Variants in COG7 observed in about 807,000 individuals in gnomAD.
COG7 encodes conserved oligomeric Golgi complex subunit 7.
In COG7, 49 loss-of-function variants were observed where a neutral mutation model predicts 91.5. The observed-to-expected ratio is 0.54, with a 90% CI of 0.43 to 0.68. The LOEUF is 0.68. Among genes scored for constraint, COG7 ranks in the 30% least tolerant of loss-of-function variants. COG7 has a pLI of 0.00. For missense variants in COG7, 895 were observed against 961.3 expected (o/e 0.93, Z 0.91); for synonymous variants, 365 against 388.7 (o/e 0.94, Z 0.72).
chr16:23,445,178 G>T lies in COG7; in HGVS notation c.319-14C>A. Reference sequence around the variant, plus strand: ...TTCTACCAACACCTGAAAGAGGCGTGAGGGGTGAAAAATGAAGGGGTAGGT... The same window carrying T: ...TTCTACCAACACCTGAAAGAGGCGTTAGGGGTGAAAAATGAAGGGGTAGGT... On this transcript the variant is annotated splice_polypyrimidine_tract_variant and intron_variant, in intron 2 of 16. Coordinates refer to ENST00000307149, the MANE Select transcript of COG7 (RefSeq NM_153603.4). 6 of 1,586,186 alleles carry T rather than the reference G, an allele frequency of 3.8e-6. No individual in the cohort carries two copies. Among genetic ancestry groups the T allele is most frequent in the Non-Finnish European group, 5.2e-6 (6 of 1,154,556 alleles).
chr16:23,426,143 T>C (rs1406601209), intron 6 of COG7, among the ~76,000 whole-genome samples: 1 of 152,050 alleles, frequency 6.6e-6, no homozygotes, highest in Non-Finnish European at 1.5e-5. Context: ...TTGAACCTGG[T>C]AGGCAGAGAT....
chr16:23,401,884 C>T (rs1043708655), intron 13 of COG7, among the ~76,000 whole-genome samples: 4 of 152,016 alleles, frequency 2.6e-5, no homozygotes, highest in Admixed American at 6.5e-5. Context: ...GACGAAACCC[C>T]GTCTCTACCA....
chr16:23,394,093 T>A (rs1483124435), intron 14 of COG7, among the ~76,000 whole-genome samples: 1 of 150,206 alleles, frequency 6.7e-6, no homozygotes, highest in Non-Finnish European at 1.5e-5. Context: ...TGGATTTGGA[T>A]CTGATTCTCT....
rs1399977986 is a variant in COG7, at chr16:23,452,874, C to A, written c.121G>T (p.Val41Leu). 3 of 1,613,860 alleles carry A rather than the reference C, an allele frequency of 1.9e-6. No homozygotes were observed. The highest frequency in any genetic ancestry group is 2.5e-6 in the Non-Finnish European group (3 of 1,180,008). ...TGGATGAACAGCTGCAGCTTCATCA[C>A]CAGGGTGGCTGCGTGGCCATCCGCC... ...GKADGHAATL[V>L]MKLQLFIQEV... The change falls in exon 1 of 17, where the codon GTG becomes TTG. Residue 41 changes from valine to leucine, a missense_variant. Val to Leu is a conservative substitution (Grantham distance 32, BLOSUM62 1). Coordinates refer to ENST00000307149, the MANE Select transcript of COG7 (RefSeq NM_153603.4).
At position 23,444,108 on chromosome 16, in the gene COG7, A is replaced by G. The variant is rs191369524; in HGVS notation, c.435+940T>C. On this transcript the variant is annotated intron_variant, in intron 3 of 16. Coordinates refer to ENST00000307149, the MANE Select transcript of COG7 (RefSeq NM_153603.4). ...TGGAGGTATCATGCCACTGTACTCC[A>G]GCCTGGGCTTCAGAATGAGACTCCG... Among the ~76,000 whole-genome samples the G allele has an allele frequency of 4.1e-4, 63 of 151,932 alleles. No homozygotes were observed. The East Asian group carries it at 7.2e-3, about 17-fold the overall frequency.
chr16:23,391,839 T>C (rs1436572399), intron 16 of COG7: 1 of 261,506 alleles, frequency 3.8e-6, no homozygotes, highest in Non-Finnish European at 6.7e-6. Flanking sequence ...ACACGCCCAC[T>C]GACTTGGCAG....
intron 9 of COG7, chr16:23,416,529 C>T (rs1369900864): frequency 3.7e-6 from 1 of 267,518 alleles, no homozygotes; most frequent in African/African-American, 2.3e-5. Context: ...GACAGGGCTT[C>T]ACCATGTTGG....
At chr16:23,443,007 C>T (rs1964126469) in intron 3 of COG7, among the ~76,000 whole-genome samples, 1 of 150,892 alleles carries the variant, frequency 6.6e-6, no homozygotes, top group African/African-American at 2.4e-5. Context: ...GCACTCCAGC[C>T]TGGGCAACAG....
At position 23,403,936 on chromosome 16, in the gene COG7, A is replaced by C. The variant is rs570645702; in HGVS notation, c.1663-102T>G. 3.6e-6 allele frequency: 5 copies of C among 1,407,392 alleles called. No homozygotes were observed. The Admixed American group carries it at 5.6e-5, about 16-fold the overall frequency. 87.2% of individuals were successfully genotyped at this position (1,407,392 alleles called of 1,614,324 possible). ...AACTCACAGGAGAACTGGGGGTTCT[A>C]TGCAATAGTGGTTCCCAAACCTGGC... is the stretch of plus-strand genomic sequence containing the variant. On this transcript the variant is annotated intron_variant, in intron 12 of 16. Transcript: ENST00000307149.
At chr16:23,392,200 C>T (rs1213103135) in intron 16 of COG7, 180 bp downstream of exon 16, 1 of 1,493,724 alleles carries the variant, frequency 6.7e-7, no homozygotes, top group Non-Finnish European at 8.9e-7. Flanking sequence ...CCCGGTCTTG[C>T]TAAGTCAGAA....
intron 1 of COG7, among the ~76,000 whole-genome samples, chr16:23,450,886 C>T (rs553541274): frequency 6.6e-6 from 1 of 151,632 alleles, no homozygotes; most frequent in East Asian, 2.0e-4. Flanking sequence ...CCCCTCCCTA[C>T]CTTTTCTTAA....
chr16:23,433,854 A>C (rs1963972215), intron 5 of COG7, among the ~76,000 whole-genome samples, 187 bp from the exon 6 acceptor site: 1 of 151,780 alleles, frequency 6.6e-6, no homozygotes, highest in Non-Finnish European at 1.5e-5. Flanking sequence ...ATCTGCACTG[A>C]TTCACAGCTT....
rs747871399 is a variant in COG7 at position 23,388,874 on chromosome 16, C to A, written c.*46G>T. Reference sequence around the variant, plus strand: ...TGAGCAAATCTGTGCTGGTGAGTCGCGAAACAGCAGCCCTGGCTCTCTTGG... The same window carrying A: ...TGAGCAAATCTGTGCTGGTGAGTCGAGAAACAGCAGCCCTGGCTCTCTTGG... On this transcript the variant is annotated 3_prime_UTR_variant, in exon 17 of 17. Transcript: ENST00000307149. 6.2e-7 allele frequency: 1 copy of A among 1,612,102 alleles called. No individual in the cohort carries two copies. Among genetic ancestry groups the A allele is most frequent in the African/African-American group, 1.3e-5 (1 of 74,468 alleles).
In COG7 at chr16:23,450,260, T is replaced by C. The variant is rs1596962138; in HGVS notation, c.169+2566A>G. 3.3e-5 allele frequency among the ~76,000 whole-genome samples: 5 copies of C among 152,210 alleles called. No individual in the cohort carries two copies. In the Middle Eastern group the frequency reaches 0.017, roughly 518 times the overall value. The stretch of plus-strand genomic sequence containing the variant: ...CAATTTGCTATTATATTATTATTAA[T>C]GTCCTTTCCTCTTTGCCCTACAAAG... On this transcript the variant is annotated intron_variant, in intron 1 of 16. Transcript: ENST00000307149.
At chr16:23,394,329 G>GT (rs764966509) in intron 14 of COG7, among the ~76,000 whole-genome samples, 1 of 152,166 alleles carries the variant, frequency 6.6e-6, no homozygotes, top group Non-Finnish European at 1.5e-5. Context: ...TTGGTCATGT[G>GT]TTTGTCAGAT....
intron 13 of COG7, among the ~76,000 whole-genome samples, chr16:23,402,965 A>C (rs992141612): frequency 5.9e-5 from 9 of 152,210 alleles, no homozygotes; most frequent in Admixed American, 5.9e-4. Flanking sequence ...GTCATTTTGT[A>C]AAAAGATCTC....
At chr16:23,403,931 G>T in intron 12 of COG7, 97 bp from the exon 13 acceptor site, 1 of 1,452,620 alleles carries the variant, frequency 6.9e-7, no homozygotes, top group Admixed American at 1.8e-5. Flanking sequence ...AGAACTGGGG[G>T]TTCTATGCAA....
intron 8 of COG7, among the ~76,000 whole-genome samples, 190 bp downstream of exon 8, chr16:23,418,510 A>T (rs1567337321): frequency 6.6e-6 from 1 of 152,216 alleles, no homozygotes; most frequent in Non-Finnish European, 1.5e-5. Flanking sequence ...CTCTGTCTCA[A>T]TCCATCAATC....
intron 13 of COG7, among the ~76,000 whole-genome samples, chr16:23,402,583 C>T (rs1567330730): frequency 2.0e-5 from 3 of 152,172 alleles, no homozygotes; most frequent in Non-Finnish European, 4.4e-5. Flanking sequence ...ATCCCCATCA[C>T]ACAGATGAGG....
Sources: gnomAD v4.1 joint callset for allele counts (sites outside exome capture counted in the v4.1 genomes callset) on GRCh38, gnomAD v4.1.1 for gene constraint, MANE v1.5 for transcripts, NCBI Gene and HGNC (gene_info 2026-07-23, HGNC 2026-07-21) for gene names.